The following ZC3H7B variants were observed in gnomAD, a reference collection of about 807,000 sequenced individuals.
The protein encoded by ZC3H7B is zinc finger CCCH domain-containing protein 7B.
ZC3H7B carries 35 observed loss-of-function variants against 116.0 expected under a neutral mutation model. That is an observed-to-expected ratio of 0.30 (90% CI 0.23 to 0.40). The LOEUF (loss-of-function observed/expected upper bound fraction) is 0.40, where lower values mean the gene tolerates loss of function less well. ZC3H7B is among the 10% of genes least tolerant of loss of function. The probability of loss-of-function intolerance (pLI) is 1.00; values close to 1 mark genes in which losing one functional copy is unlikely to be tolerated. For synonymous variants in ZC3H7B, 502 were observed against 545.6 expected (o/e 0.92, Z 1.11); for missense variants, 1,011 against 1,321.5 (o/e 0.77, Z 3.64).
chr22:41,307,759 T>A (rs1371231646), intron 1 of ZC3H7B, among the ~76,000 whole-genome samples: 1 of 152,178 alleles, frequency 6.6e-6, no homozygotes, highest in Non-Finnish European at 1.5e-5. Context: ...CAGCCCCATC[T>A]TGTAGATGAG....
intron 1 of ZC3H7B, among the ~76,000 whole-genome samples, chr22:41,310,623 G>A (rs1365814759): frequency 6.6e-6 from 1 of 152,214 alleles, no homozygotes; most frequent in Non-Finnish European, 1.5e-5. Context: ...CACAGTGTTA[G>A]ACAGTCACTC....
In ZC3H7B at chr22:41,352,313, GTGTGTCCCTTCAC is replaced by G. The variant is rs1435916850; in HGVS notation, c.2034+670_2034+682del. ...ACACATCAGGGGATGCGTCATCTCA[GTGTGTCCCTTCAC>G]TGGTGACAATCTAATTAAACTTTCA... On this transcript the variant is annotated intron_variant, in intron 17 of 22. Transcript: ENST00000352645. 2.6e-5 allele frequency among the ~76,000 whole-genome samples: 4 copies of G among 152,182 alleles called. No individual in the cohort carries two copies. In the South Asian group the frequency reaches 6.2e-4, roughly 24 times the overall value.
Position 41,351,598 on chromosome 22 carries a change from G to A in ZC3H7B, c.1986G>A (p.Lys662=), listed in dbSNP as rs1276020103. The A allele has an allele frequency of 6.2e-7, 1 of 1,614,048 alleles. No homozygotes were observed. The highest frequency in any genetic ancestry group is 8.5e-7 in the Non-Finnish European group (1 of 1,180,000). Residue 662 remains lysine, a synonymous_variant, in exon 17 of 23, where the codon AAG becomes AAA. Coordinates refer to ENST00000352645, the MANE Select transcript of ZC3H7B (RefSeq NM_017590.6). The surrounding 1 kb of genome is among the most constrained non-coding windows in gnomAD (Gnocchi z 5.1). The stretch of plus-strand genomic sequence containing the variant: ...AAGACATCGTTCAGGAGTCTAAGAA[G>A]TACTGGCAGCAGATGGAGGCGCATG... ...THEDIVQESK[K]YWQQMEAHAG...
chr22:41,344,256 A>G (rs536861107), intron 13 of ZC3H7B, among the ~76,000 whole-genome samples: 3 of 152,008 alleles, frequency 2.0e-5, no homozygotes, highest in Non-Finnish European at 4.4e-5. Context: ...CTCTCCCCCA[A>G]CCTGGCCCCT....
intron 7 of ZC3H7B, chr22:41,336,764 A>C (rs1332038371): frequency 6.6e-6 from 1 of 152,090 alleles, no homozygotes; most frequent in Non-Finnish European, 1.5e-5. Flanking sequence ...GAATCACTTG[A>C]ATGTGGGAGT....
intron 2 of ZC3H7B, among the ~76,000 whole-genome samples, chr22:41,323,544 A>C (rs1448836806): frequency 6.6e-6 from 1 of 152,130 alleles, no homozygotes; most frequent in East Asian, 1.9e-4. Context: ...TCCTTTCCAA[A>C]GGGGCGTTCT....
Position 41,315,109 on chromosome 22 carries a change from G to T in ZC3H7B, c.-6-5546G>T, listed in dbSNP as rs185329817. 5.1e-4 allele frequency among the ~76,000 whole-genome samples: 77 copies of T among 151,726 alleles called. 1 individual carries two copies. Among genetic ancestry groups the T allele is most frequent in the Middle Eastern group, 6.8e-3 (2 of 294 alleles). Reference sequence around the variant, plus strand: ...CCTCTCTTTTTGTTCTTTGAGACAGGGTCTCACTCAGTTGCCCAGGCTGGC... The same window carrying T: ...CCTCTCTTTTTGTTCTTTGAGACAGTGTCTCACTCAGTTGCCCAGGCTGGC... On this transcript the variant is annotated intron_variant, in intron 1 of 22. Transcript: ENST00000352645.
intron 1 of ZC3H7B, among the ~76,000 whole-genome samples, chr22:41,315,727 CAG>C (rs763698929): frequency 1.3e-5 from 2 of 152,068 alleles, no homozygotes; most frequent in African/African-American, 4.8e-5. Flanking sequence ...AGGGAGGAAA[CAG>C]AGGAAGAGCA....
intron 1 of ZC3H7B, among the ~76,000 whole-genome samples, chr22:41,303,814 G>GGA (rs2036005064): frequency 3.9e-5 from 6 of 152,196 alleles, no homozygotes; most frequent in African/African-American, 1.2e-4. Flanking sequence ...CTGGAGTGCA[G>GGA]TGGCGCGATC....
chr22:41,345,639 A>G (rs1018381721), intron 13 of ZC3H7B, among the ~76,000 whole-genome samples: 2 of 152,174 alleles, frequency 1.3e-5, no homozygotes, highest in Non-Finnish European at 2.9e-5. Context: ...TACAAAAGCA[A>G]TCCTGTGGGG....
chr22:41,317,624 TA>T (rs1031311000), intron 1 of ZC3H7B, among the ~76,000 whole-genome samples: 5 of 147,750 alleles, frequency 3.4e-5, no homozygotes, highest in Admixed American at 6.8e-5. Context: ...ACCCCATCTC[TA>T]AAAAAAAAAT....
At chr22:41,355,325 G>A (rs542361606) in intron 17 of ZC3H7B, 144 bp from the exon 18 acceptor site, 1 of 1,194,710 alleles carries the variant, frequency 8.4e-7, no homozygotes, top group Non-Finnish European at 1.2e-6. Flanking sequence ...TGGGCCTGCA[G>A]TTGGGAGGTC....
intron 1 of ZC3H7B, among the ~76,000 whole-genome samples, chr22:41,320,321 ACT>A (rs910634468): frequency 2.7e-5 from 4 of 146,372 alleles, no homozygotes; most frequent in African/African-American, 7.6e-5. Flanking sequence ...AACAGGGGAG[ACT>A]CTGTATCCAA....
Position 41,355,797 on chromosome 22 carries a change from G to A in ZC3H7B, c.2209G>A (p.Ala737Thr). ...ERRVLLVMSK[A>T]KRKWVSVRPL... ...GCGGGTCCTTCTGGTGATGTCCAAG[G>A]CCAAGAGGAAATGGGTGTCAGTGAG... The change falls in exon 19 of 23, where the codon GCC becomes ACC. Residue 737 changes from alanine (A) to threonine (T), a missense_variant. Transcript: ENST00000352645. The A allele has an allele frequency of 6.2e-7, 1 of 1,613,594 alleles. No individual in the cohort carries two copies. Among genetic ancestry groups the A allele is most frequent in the Non-Finnish European group, 8.5e-7 (1 of 1,179,982 alleles).
intron 1 of ZC3H7B, among the ~76,000 whole-genome samples, chr22:41,313,183 A>C (rs1257333584): frequency 7.5e-6 from 1 of 132,622 alleles, no homozygotes; most frequent in Non-Finnish European, 1.6e-5. Context: ...CAGTGGCGCG[A>C]TATCAGCTCA....
rs368670113 is a variant in ZC3H7B at position 41,356,755 on chromosome 22, C to A, written c.2628C>A (p.Asp876Glu). Reference protein sequence around the residue: ...HKEKVFTSDSDASGWAFRFPM... With the variant: ...HKEKVFTSDSEASGWAFRFPM... ...AGAAGGTCTTCACGTCCGACAGTGA[C>A]GCCAGCGGCTGGGCCTTCCGCTTCC... The change falls in exon 22 of 23, where the codon GAC (aspartate) becomes GAA (glutamate). Residue 876 changes from aspartate to glutamate, a missense_variant. Coordinates refer to ENST00000352645, the MANE Select transcript of ZC3H7B (RefSeq NM_017590.6). 4 of 1,613,608 alleles carry A rather than the reference C, an allele frequency of 2.5e-6. No individual in the cohort carries two copies. Among genetic ancestry groups the A allele is most frequent in the Non-Finnish European group, 3.4e-6 (4 of 1,179,990 alleles).
intron 20 of ZC3H7B, 56 bp downstream of exon 20, chr22:41,356,118 T>A: frequency 6.7e-7 from 1 of 1,495,318 alleles, no homozygotes; most frequent in Non-Finnish European, 9.0e-7. Context: ...CAGTGCTGAA[T>A]GTCTCAATTC....
chr22:41,312,772 G>A (rs529318335), intron 1 of ZC3H7B, among the ~76,000 whole-genome samples: 13 of 151,494 alleles, frequency 8.6e-5, no homozygotes, highest in Non-Finnish European at 1.6e-4. Flanking sequence ...TTAGCCAAGC[G>A]TGATGGTGCG....
At chr22:41,339,534 G>A (rs2036490602) in intron 9 of ZC3H7B, among the ~76,000 whole-genome samples, 1 of 151,818 alleles carries the variant, frequency 6.6e-6, no homozygotes, top group South Asian at 2.1e-4. Context: ...GCTGAGGCCG[G>A]AGAATCGCTT....
Sources: gnomAD v4.1 joint callset for allele counts (sites outside exome capture counted in the v4.1 genomes callset) on GRCh38, gnomAD v4.1.1 for gene constraint, Gnocchi (gnomAD v3.1) non-coding constraint, MANE v1.5 for transcripts, NCBI Gene and HGNC (gene_info 2026-07-23, HGNC 2026-07-21) for gene names.